The following ATF6 variants were observed in gnomAD, a reference collection of about 807,000 sequenced individuals.
ATF6 encodes the protein cyclic AMP-dependent transcription factor ATF-6 alpha.
ATF6 carries 53 observed loss-of-function variants against 83.6 expected under a neutral mutation model. The observed-to-expected ratio is 0.63, with a 90% confidence interval of 0.51 to 0.80. ATF6 has a LOEUF of 0.80. ATF6 is among the 30% of genes least tolerant of loss of function. ATF6 has a pLI of 0.00. For synonymous variants in ATF6, 288 were observed against 285.8 expected (o/e 1.01, Z -0.08); for missense variants, 744 against 797.9 (o/e 0.93, Z 0.81).
Position 161,907,734 on chromosome 1 carries a change from T to G in ATF6, c.1720-4562T>G, listed in dbSNP as rs1022092843. Among the ~76,000 whole-genome samples the G allele has an allele frequency of 3.9e-4, 60 of 152,202 alleles. 1 individual carries two copies. The highest frequency in any genetic ancestry group is 1.4e-3 in the African/African-American group (58 of 41,454). On this transcript the variant is annotated intron_variant, in intron 14 of 15. Transcript: ENST00000367942. ...TAATTTTTTAAAAAGATATGTATCTTTATTTCATTTGATTATATTAATGTG... is the reference window on the plus strand; with the variant it reads ...TAATTTTTTAAAAAGATATGTATCTGTATTTCATTTGATTATATTAATGTG...
chr1:161,960,025 A>G lies in ATF6; in HGVS notation c.*1371A>G, dbSNP rs966223016. The G allele has an allele frequency of 1.3e-5, 2 of 152,128 alleles. No homozygotes were observed. The highest frequency in any genetic ancestry group is 1.9e-4 in the East Asian group (1 of 5,196). 9.4% of individuals were successfully genotyped at this position (152,128 alleles called of 1,614,324 possible). On this transcript the variant is annotated 3_prime_UTR_variant, in exon 16 of 16. Coordinates refer to ENST00000367942, the MANE Select transcript of ATF6 (RefSeq NM_007348.4). The stretch of plus-strand genomic sequence containing the variant: ...AGGGAGTGCATCCCATAATATGGCA[A>G]TAATTTTCAGTTTCTCCAACGAAAA...
intron 15 of ATF6, among the ~76,000 whole-genome samples, chr1:161,929,262 G>A (rs994240427): frequency 1.2e-4 from 19 of 152,156 alleles, no homozygotes; most frequent in Admixed American, 1.2e-3. Context: ...ATCTGACTTG[G>A]AGGTACGGTA....
At chr1:161,825,262 G>C (rs1685864861) in intron 9 of ATF6, among the ~76,000 whole-genome samples, 1 of 152,082 alleles carries the variant, frequency 6.6e-6, no homozygotes, top group African/African-American at 2.4e-5. Context: ...GGCTGGTCTT[G>C]AACTCCTAAG....
At chr1:161,958,089 T>G (rs1689004026) in intron 15 of ATF6, among the ~76,000 whole-genome samples, 1 of 152,194 alleles carries the variant, frequency 6.6e-6, no homozygotes, top group African/African-American at 2.4e-5. Context: ...TATTCCCCAC[T>G]AAAAAGCCCT....
In ATF6 at chr1:161,866,395, A is replaced by G. The variant is rs112585285; in HGVS notation, c.1719+3083A>G. On this transcript the variant is annotated intron_variant, in intron 14 of 15. Transcript: ENST00000367942. ...TGAAATTATTTTCTCTAAAGCAGAC[A>G]CACTCTTGGATAACTACTGAGTTCC... 1.9e-3 allele frequency among the ~76,000 whole-genome samples: 295 copies of G among 152,306 alleles called. 3 individuals are homozygous for G. The highest frequency in any genetic ancestry group is 6.5e-3 in the African/African-American group (272 of 41,564).
At chr1:161,877,239 A>C (rs1258457096) in intron 14 of ATF6, among the ~76,000 whole-genome samples, 1 of 152,146 alleles carries the variant, frequency 6.6e-6, no homozygotes, top group Admixed American at 6.6e-5. Flanking sequence ...TCCAGTGATA[A>C]ATAATACATA....
At chr1:161,814,722 CTT>C (rs943951804) in intron 7 of ATF6, among the ~76,000 whole-genome samples, 22 of 151,916 alleles carry the variant, frequency 1.4e-4, no homozygotes, top group African/African-American at 5.3e-4. Context: ...TAAATTTTCT[CTT>C]TTTTTCTGCT....
intron 9 of ATF6, among the ~76,000 whole-genome samples, chr1:161,827,346 A>G (rs1178431139): frequency 2.0e-5 from 3 of 152,126 alleles, no homozygotes; most frequent in Non-Finnish European, 2.9e-5. Context: ...TATTTATTGA[A>G]CAAGTGTCAC....
chr1:161,841,340 G>A (rs975794118), intron 9 of ATF6, among the ~76,000 whole-genome samples: 26 of 152,234 alleles, frequency 1.7e-4, no homozygotes, highest in African/African-American at 5.5e-4. Context: ...GTTTCTGTGG[G>A]TCATTTCATA....
At chr1:161,874,174 A>G (rs909636501) in intron 14 of ATF6, among the ~76,000 whole-genome samples, 1 of 151,634 alleles carries the variant, frequency 6.6e-6, no homozygotes, top group African/African-American at 2.4e-5. Context: ...TTGGTAATAC[A>G]TGGACAGAAA....
rs150305887 is a variant in ATF6, at chr1:161,904,110, G to C, written c.1720-8186G>C. The stretch of plus-strand genomic sequence containing the variant: ...AGCTTCCTATGATTAAATGCTTTCT[G>C]AAAGATACATAGTTAGTACAGAACT... On this transcript the variant is annotated intron_variant, in intron 14 of 15. Transcript: ENST00000367942. Among the ~76,000 whole-genome samples the C allele has an allele frequency of 1.4e-4, 21 of 152,190 alleles. No individual in the cohort carries two copies. In the East Asian group the frequency reaches 4.1e-3, roughly 29 times the overall value.
At chr1:161,830,313 G>A (rs1686020906) in intron 9 of ATF6, among the ~76,000 whole-genome samples, 1 of 152,130 alleles carries the variant, frequency 6.6e-6, no homozygotes, top group South Asian at 2.1e-4. Context: ...CAAACAAATG[G>A]AAGAACATTC....
chr1:161,890,193 A>G (rs1687518444), intron 14 of ATF6, among the ~76,000 whole-genome samples: 1 of 152,246 alleles, frequency 6.6e-6, no homozygotes, highest in Admixed American at 6.5e-5. Context: ...TCTACAGTCC[A>G]GATTCAGATT....
intron 15 of ATF6, among the ~76,000 whole-genome samples, chr1:161,921,885 GC>G (rs1688219255): frequency 6.6e-6 from 1 of 152,116 alleles, no homozygotes; most frequent in African/African-American, 2.4e-5. Context: ...CCACCTTGAT[GC>G]TTTTACAAGA....
intron 12 of ATF6, among the ~76,000 whole-genome samples, chr1:161,856,124 T>G (rs1686753788): frequency 6.6e-6 from 1 of 152,246 alleles, no homozygotes; most frequent in Non-Finnish European, 1.5e-5. Context: ...GCAGTATGTG[T>G]TATGTTCTAA....
rs72157843 is a variant in ATF6 at position 161,791,062 on chromosome 1, A to ATGTGTG, written c.355-330_355-325dup. Among the ~76,000 whole-genome samples, 450 of 137,298 alleles carry ATGTGTG rather than the reference A, an allele frequency of 3.3e-3. 5 individuals carry two copies. Among genetic ancestry groups the ATGTGTG allele is most frequent in the African/African-American group, 0.014 (418 of 30,620 alleles). The allele number at this position is 137,298 out of a possible 152,430, so 90.1% of individuals were successfully genotyped here. ...TGTATGACTACGAACCAAGTTTTAT[A>ATGTGTG]TGTGTGTGTGTGTGTGTGTGTCTCT... is the stretch of plus-strand genomic sequence containing the variant. On this transcript the variant is annotated intron_variant, in intron 4 of 15. Coordinates refer to ENST00000367942, the MANE Select transcript of ATF6 (RefSeq NM_007348.4).
At chr1:161,800,307 A>G (rs1199688413) in intron 6 of ATF6, among the ~76,000 whole-genome samples, 1 of 152,212 alleles carries the variant, frequency 6.6e-6, no homozygotes, top group Admixed American at 6.5e-5. Flanking sequence ...TGTTTCATGT[A>G]TATCTCATAC....
chr1:161,899,217 A>G (rs1211268535), intron 14 of ATF6, among the ~76,000 whole-genome samples: 1 of 152,138 alleles, frequency 6.6e-6, no homozygotes, highest in Non-Finnish European at 1.5e-5. Flanking sequence ...ATTTTAAAGT[A>G]CTCCAGGCAG....
At chr1:161,827,373 A>G (rs1201631845) in intron 9 of ATF6, among the ~76,000 whole-genome samples, 5 of 152,200 alleles carry the variant, frequency 3.3e-5, no homozygotes, top group African/African-American at 7.2e-5. Context: ...AGTCTTGTGT[A>G]TCTAGAAACC....
Sources: gnomAD v4.1 joint callset for allele counts (sites outside exome capture counted in the v4.1 genomes callset) on GRCh38, gnomAD v4.1.1 for gene constraint, MANE v1.5 for transcripts, NCBI Gene and HGNC (gene_info 2026-07-23, HGNC 2026-07-21) for gene names.